The following FNIP2 variants were observed in gnomAD, a reference collection of about 807,000 sequenced individuals.
FNIP2 encodes folliculin-interacting protein 2.
Under a neutral mutation model 108.7 loss-of-function variants are expected in FNIP2, and 32 were observed. The ratio of observed to expected loss-of-function variants is 0.29; its 90% CI spans 0.22 to 0.40. FNIP2 has a LOEUF of 0.40. FNIP2 is among the 10% of genes least tolerant of loss of function. The pLI is 1.00. For synonymous variants in FNIP2, 480 were observed against 496.7 expected (o/e 0.97, Z 0.45); for missense variants, 1,202 against 1,381.6 (o/e 0.87, Z 2.06).
At chr4:158,886,288 G>A (rs1173596509) in intron 14 of FNIP2, among the ~76,000 whole-genome samples, 2 of 152,214 alleles carry the variant, frequency 1.3e-5, no homozygotes, top group African/African-American at 4.8e-5. Context: ...AAATGATAAT[G>A]GCATATGGCC....
intron 1 of FNIP2, among the ~76,000 whole-genome samples, chr4:158,774,063 A>G (rs576908637): frequency 1.3e-5 from 2 of 152,352 alleles, no homozygotes; most frequent in Admixed American, 1.3e-4. Context: ...AAGCAACTCT[A>G]ATAGCCTGAC....
intron 16 of FNIP2, among the ~76,000 whole-genome samples, chr4:158,896,372 A>G (rs981005079): frequency 2.0e-5 from 3 of 152,146 alleles, no homozygotes; most frequent in African/African-American, 7.2e-5. Flanking sequence ...GGAGACTTGT[A>G]TGTTACTAAA....
intron 12 of FNIP2, among the ~76,000 whole-genome samples, chr4:158,862,451 A>G (rs185897057): frequency 2.9e-4 from 44 of 152,328 alleles, no homozygotes; most frequent in Non-Finnish European, 1.8e-4. Flanking sequence ...AGGGGGTAAA[A>G]GGCGTGTTCT....
At chr4:158,858,513 A>C (rs750964731) in intron 8 of FNIP2, among the ~76,000 whole-genome samples, 1 of 152,160 alleles carries the variant, frequency 6.6e-6, no homozygotes, top group Non-Finnish European at 1.5e-5. Context: ...GTAGCAGAAG[A>C]GAGGTAAGTG....
At chr4:158,839,981 A>G (rs1261955446) in intron 7 of FNIP2, among the ~76,000 whole-genome samples, 1 of 152,234 alleles carries the variant, frequency 6.6e-6, no homozygotes, top group Non-Finnish European at 1.5e-5. Context: ...CTTTACATAT[A>G]CAGATCCAAA....
intron 9 of FNIP2, 145 bp from the exon 10 acceptor site, chr4:158,859,433 A>G: frequency 1.0e-6 from 1 of 998,932 alleles, no homozygotes; most frequent in Admixed American, 2.5e-5. Flanking sequence ...ACCTTAGGGA[A>G]GGAAATGACT....
chr4:158,825,430 T>C (rs944183289), intron 1 of FNIP2, among the ~76,000 whole-genome samples: 3 of 152,216 alleles, frequency 2.0e-5, no homozygotes, highest in South Asian at 4.1e-4. Context: ...TTTTAGGGTA[T>C]GTAATTCCTC....
intron 14 of FNIP2, among the ~76,000 whole-genome samples, chr4:158,878,275 A>G (rs1487784355): frequency 1.3e-5 from 2 of 152,218 alleles, no homozygotes; most frequent in Non-Finnish European, 2.9e-5. Flanking sequence ...TCTTGTGTGC[A>G]TGTAAGGCTT....
intron 1 of FNIP2, among the ~76,000 whole-genome samples, chr4:158,809,085 C>T (rs1777129036): frequency 6.6e-6 from 1 of 152,104 alleles, no homozygotes; most frequent in South Asian, 2.1e-4. Context: ...CTAGAGTCAA[C>T]AAAAAACTAC....
chr4:158,874,330 T>C (rs1037136236), intron 14 of FNIP2, among the ~76,000 whole-genome samples: 1 of 152,090 alleles, frequency 6.6e-6, no homozygotes, highest in East Asian at 1.9e-4. Flanking sequence ...GGTCTGAAGA[T>C]TCTGTGAGAT....
chr4:158,851,758 T>A (rs1779714788), intron 8 of FNIP2, among the ~76,000 whole-genome samples: 1 of 152,214 alleles, frequency 6.6e-6, no homozygotes, highest in African/African-American at 2.4e-5. Context: ...CAGATGTAGC[T>A]TGTATAAGTA....
At chr4:158,873,761 ACTCT>A (rs1560822049) in intron 14 of FNIP2, among the ~76,000 whole-genome samples, 1 of 152,258 alleles carries the variant, frequency 6.6e-6, no homozygotes, top group South Asian at 2.1e-4. Flanking sequence ...TGTCATTTGA[ACTCT>A]CTCTGCCTCC....
At chr4:158,795,410 G>A (rs887422580) in intron 1 of FNIP2, among the ~76,000 whole-genome samples, 1 of 152,214 alleles carries the variant, frequency 6.6e-6, no homozygotes, top group Admixed American at 6.5e-5. Flanking sequence ...CCATGTCCTC[G>A]AAGTTCATCC....
At chr4:158,784,524 C>T (rs768497986) in intron 1 of FNIP2, among the ~76,000 whole-genome samples, 4 of 152,172 alleles carry the variant, frequency 2.6e-5, no homozygotes, top group Admixed American at 6.5e-5. Context: ...AATAACTATA[C>T]AACTCACCAA....
At chr4:158,895,611 C>T (rs1451488781) in intron 15 of FNIP2, 139 bp from the exon 16 acceptor site, 8 of 609,146 alleles carry the variant, frequency 1.3e-5, no homozygotes, top group Non-Finnish European at 2.4e-5. Flanking sequence ...TTTGAGATGG[C>T]TTGTGATTTT....
intron 14 of FNIP2, among the ~76,000 whole-genome samples, chr4:158,886,066 A>G (rs1578981649): frequency 1.3e-5 from 2 of 152,238 alleles, no homozygotes; most frequent in East Asian, 1.9e-4. Context: ...CTTAGAGGCT[A>G]CAAATTAACC....
In FNIP2 at chr4:158,825,974, G is replaced by A; in HGVS notation, c.166G>A (p.Asp56Asn). The A allele has an allele frequency of 6.2e-7, 1 of 1,609,374 alleles. No homozygotes were observed. Among genetic ancestry groups the A allele is most frequent in the South Asian group, 1.1e-5 (1 of 91,000 alleles). Residue 56 changes from aspartate (D) to asparagine (N), a missense_variant, in exon 2 of 17, where the codon GAC becomes AAC. Transcript: ENST00000264433. ...TCGCCTGATAGTTTACCAGGACTGT[G>A]ACAGGAGAGGCAGACAAGTCTTGTT... ...EIRLIVYQDCDRRGRQVLFDS... is the reference protein window; with the variant it reads ...EIRLIVYQDCNRRGRQVLFDS...
At chr4:158,845,600 T>C (rs1779358412) in intron 7 of FNIP2, among the ~76,000 whole-genome samples, 1 of 152,228 alleles carries the variant, frequency 6.6e-6, no homozygotes, top group South Asian at 2.1e-4. Flanking sequence ...GTGGCTCAGA[T>C]GTATACTAGC....
intron 6 of FNIP2, chr4:158,834,072 G>A: frequency 6.7e-6 from 2 of 300,382 alleles, no homozygotes; most frequent in South Asian, 3.1e-5. Flanking sequence ...AACCTCTCTT[G>A]TAAATGTCTT....
Sources: gnomAD v4.1 joint callset for allele counts (sites outside exome capture counted in the v4.1 genomes callset) on GRCh38, gnomAD v4.1.1 for gene constraint, MANE v1.5 for transcripts, NCBI Gene and HGNC (gene_info 2026-07-23, HGNC 2026-07-21) for gene names.